The following ADCY2 variants were observed in gnomAD, a reference collection of about 807,000 sequenced individuals.
ADCY2 encodes the protein adenylate cyclase 2.
In ADCY2, 31 loss-of-function variants were observed where a neutral mutation model predicts 125.2. The observed-to-expected ratio is 0.25, with a 90% CI of 0.19 to 0.33. ADCY2 has a LOEUF of 0.33. Among genes scored for constraint, ADCY2 ranks in the 10% least tolerant of loss-of-function variants. The pLI, the probability that ADCY2 is intolerant of heterozygous loss-of-function variation, is 1.00. For synonymous variants in ADCY2, 512 were observed against 548.4 expected (o/e 0.93, Z 0.93); for missense variants, 904 against 1,418.2 (o/e 0.64, Z 5.82).
intron 2 of ADCY2, among the ~76,000 whole-genome samples, chr5:7,466,459 A>G (rs1742120402): frequency 6.6e-6 from 1 of 152,172 alleles, no homozygotes; most frequent in African/African-American, 2.4e-5. Context: ...TACAGGTGAA[A>G]CCGAGGCACA....
intron 3 of ADCY2, among the ~76,000 whole-genome samples, chr5:7,563,884 G>A (rs1735807107): frequency 6.6e-6 from 1 of 152,178 alleles, no homozygotes; most frequent in South Asian, 2.1e-4. Context: ...TTGTGTGAGT[G>A]CATGATCAAA....
At chr5:7,495,214 A>G (rs1266770736) in intron 2 of ADCY2, among the ~76,000 whole-genome samples, 1 of 152,208 alleles carries the variant, frequency 6.6e-6, no homozygotes, top group Non-Finnish European at 1.5e-5. Context: ...CATGTTCTGC[A>G]TCTGACTTCA....
chr5:7,745,383 T>C (rs1742565330), intron 15 of ADCY2, among the ~76,000 whole-genome samples: 1 of 152,212 alleles, frequency 6.6e-6, no homozygotes, highest in Admixed American at 6.5e-5. Flanking sequence ...TCAAATTGTA[T>C]TGAAAGCTCT....
At chr5:7,722,150 C>T (rs985884623) in intron 12 of ADCY2, among the ~76,000 whole-genome samples, 2 of 152,140 alleles carry the variant, frequency 1.3e-5, no homozygotes, top group Admixed American at 6.5e-5. Context: ...GGGACTCAGT[C>T]GTGTCCCCAA....
At chr5:7,535,538 G>A (rs1734786623) in intron 3 of ADCY2, among the ~76,000 whole-genome samples, 1 of 152,202 alleles carries the variant, frequency 6.6e-6, no homozygotes, top group South Asian at 2.1e-4. Flanking sequence ...ATGTAAAGTA[G>A]CTGAGTTAGT....
At chr5:7,825,547 G>A (rs1441589948) in intron 24 of ADCY2, among the ~76,000 whole-genome samples, 3 of 152,262 alleles carry the variant, frequency 2.0e-5, no homozygotes, top group Non-Finnish European at 2.9e-5. Context: ...CTCAGATGAA[G>A]TGGGAGGAGA....
At chr5:7,804,040 A>AGAGAGAGAGAGAGAGAGAGAGAG (rs1744682437) in intron 21 of ADCY2, among the ~76,000 whole-genome samples, 1 of 106,614 alleles carries the variant, frequency 9.4e-6, no homozygotes. Flanking sequence ...GGAGGGGGGA[A>AGAGAGAGAGAGAGAGAGAGAGAG]AGAGAGAGAG....
At position 7,816,849 on chromosome 5, in the gene ADCY2, T is replaced by G; in HGVS notation, c.2884-17T>G. ...TGATGCTCTAACTTCCATCTGCCTG[T>G]GTGTGTTTGTTCTCAGGAGCCCGAG... On this transcript the variant is annotated splice_polypyrimidine_tract_variant and intron_variant, in intron 22 of 24. Transcript: ENST00000338316. 6.2e-7 allele frequency: 1 copy of G among 1,603,440 alleles called. No individual in the cohort carries two copies. Among genetic ancestry groups the G allele is most frequent in the Non-Finnish European group, 8.5e-7 (1 of 1,170,250 alleles).
chr5:7,577,521 T>C (rs1736287071), intron 3 of ADCY2, among the ~76,000 whole-genome samples: 2 of 152,146 alleles, frequency 1.3e-5, no homozygotes, highest in South Asian at 4.1e-4. Flanking sequence ...AAGTTGATAG[T>C]GAATTTGGCA....
intron 2 of ADCY2, among the ~76,000 whole-genome samples, chr5:7,470,650 G>A (rs906176469): frequency 6.6e-6 from 1 of 150,674 alleles, no homozygotes. Context: ...GTGTGTGTGT[G>A]TGTGTGTTTA....
intron 2 of ADCY2, among the ~76,000 whole-genome samples, chr5:7,497,038 A>G (rs962502978): frequency 6.6e-6 from 1 of 152,206 alleles, no homozygotes; most frequent in Non-Finnish European, 1.5e-5. Context: ...GAAGAAAACT[A>G]TCAAACTTTA....
At chr5:7,659,923 T>G (rs1255691027) in intron 4 of ADCY2, among the ~76,000 whole-genome samples, 1 of 152,182 alleles carries the variant, frequency 6.6e-6, no homozygotes, top group Non-Finnish European at 1.5e-5. Context: ...ATGGAGCTAC[T>G]TATGTAAGTG....
chr5:7,480,428 A>G (rs1229575309), intron 2 of ADCY2, among the ~76,000 whole-genome samples: 1 of 152,234 alleles, frequency 6.6e-6, no homozygotes, highest in African/African-American at 2.4e-5. Context: ...GCAATAAAAA[A>G]GAATGAGATC....
intron 24 of ADCY2, among the ~76,000 whole-genome samples, chr5:7,821,837 G>T (rs997607164): frequency 6.6e-6 from 1 of 152,204 alleles, no homozygotes. Flanking sequence ...GGGGAAGGGA[G>T]TTCAAGGCTG....
intron 17 of ADCY2, among the ~76,000 whole-genome samples, chr5:7,770,897 A>G (rs1023579930): frequency 5.3e-5 from 8 of 152,206 alleles, no homozygotes; most frequent in Middle Eastern, 3.2e-3. Flanking sequence ...CTTTTGAAAA[A>G]TGTAATGGTG....
rs879800217 is a variant in ADCY2, at chr5:7,721,482, G to T, written c.1704-3063G>T. 3.1e-3 allele frequency among the ~76,000 whole-genome samples: 478 copies of T among 152,268 alleles called. 1 individual carries two copies. Among genetic ancestry groups the T allele is most frequent in the Middle Eastern group, 6.8e-3 (2 of 294 alleles). On this transcript the variant is annotated intron_variant, in intron 12 of 24. Coordinates refer to ENST00000338316, the MANE Select transcript of ADCY2 (RefSeq NM_020546.3). ...CATGAAGTCCTTGCCCAGGCCTATA[G>T]CCTGAATGGTATTGCCTAGGTTTTC... is the stretch of plus-strand genomic sequence containing the variant.
At chr5:7,502,595 A>G (rs1405739617) in intron 2 of ADCY2, among the ~76,000 whole-genome samples, 1 of 152,226 alleles carries the variant, frequency 6.6e-6, no homozygotes, top group Admixed American at 6.5e-5. Context: ...GGAAAAAGGA[A>G]ATTAAGTTTT....
chr5:7,514,165 G>A (rs1744174359), intron 2 of ADCY2, among the ~76,000 whole-genome samples: 1 of 152,166 alleles, frequency 6.6e-6, no homozygotes, highest in Non-Finnish European at 1.5e-5. Context: ...ATTTTGGCCT[G>A]TCATTGCACT....
chr5:7,811,510 AAG>A (rs1491564513), intron 22 of ADCY2, among the ~76,000 whole-genome samples: 2,255 of 150,882 alleles, frequency 0.015, 70 homozygotes, highest in African/African-American at 0.053. Flanking sequence ...CAAAAAAAAA[AAG>A]AAAAAAAATC....
Sources: allele counts gnomAD v4.1 joint callset (sites outside exome capture counted in the v4.1 genomes callset), GRCh38; gene constraint gnomAD v4.1.1; transcripts MANE v1.5; gene names NCBI Gene and HGNC (gene_info 2026-07-23, HGNC 2026-07-21).